MFN1: variants seen among roughly 807,000 people sequenced by gnomAD.
MFN1 encodes the protein mitofusin-1.
Under a neutral mutation model 92.4 loss-of-function variants are expected in MFN1, and 65 were observed. The ratio of observed to expected loss-of-function variants is 0.70; its 90% CI spans 0.58 to 0.86. The LOEUF is 0.86. Ranked by LOEUF, MFN1 falls within the 40% of genes least tolerant of loss-of-function variation. The probability of loss-of-function intolerance (pLI) is 0.00; values close to 1 mark genes in which losing one functional copy is unlikely to be tolerated. For missense variants in MFN1, 781 were observed against 868.0 expected (o/e 0.90, Z 1.26); for synonymous variants, 297 against 300.9 (o/e 0.99, Z 0.13).
chr3:179,394,805 A>AAAG lies in MFN1; in HGVS notation c.*2747_*2749dup, dbSNP rs1216641357. The stretch of plus-strand genomic sequence containing the variant: ...TATGTAATTATGAGTGATGTACTTC[A>AAAG]AAGTTATTGCACATACACTTGTTTA... On this transcript the variant is annotated 3_prime_UTR_variant, in exon 18 of 18. Coordinates refer to ENST00000471841, the MANE Select transcript of MFN1 (RefSeq NM_033540.3). 6.6e-6 allele frequency: 1 copy of AAAG among 152,230 alleles called. No homozygotes were observed. Among genetic ancestry groups the AAAG allele is most frequent in the African/African-American group, 2.4e-5 (1 of 41,468 alleles). The allele number at this position is 152,230 out of a possible 1,614,324, so 9.4% of individuals were successfully genotyped here. A position where few individuals can be genotyped will look rare whatever the true frequency, so the allele number is the denominator to read the frequency against.
intron 16 of MFN1, among the ~76,000 whole-genome samples, chr3:179,389,209 A>G (rs933445320): frequency 6.6e-6 from 1 of 152,214 alleles, no homozygotes; most frequent in Admixed American, 6.5e-5. Flanking sequence ...TTTAATTTAT[A>G]TTAAGGATGA....
At chr3:179,360,498 G>A (rs1712532332) in intron 4 of MFN1, among the ~76,000 whole-genome samples, 4 of 151,634 alleles carry the variant, frequency 2.6e-5, no homozygotes, top group Non-Finnish European at 5.9e-5. Flanking sequence ...GAGGGCCAAT[G>A]GCAATTCCCT....
chr3:179,373,908 C>T (rs1056013207), intron 9 of MFN1, among the ~76,000 whole-genome samples: 3 of 151,918 alleles, frequency 2.0e-5, no homozygotes, highest in Non-Finnish European at 2.9e-5. Context: ...CTCCTGACCT[C>T]GTGATCTGCC....
rs767662582 is a variant in MFN1, at chr3:179,365,178, A to G, written c.706A>G (p.Asn236Asp). 1.3e-6 allele frequency: 2 copies of G among 1,555,104 alleles called. No individual in the cohort carries two copies. The highest frequency in any genetic ancestry group is 1.4e-5 in the African/African-American group (1 of 70,822). ...TTCCAAGCCTAATATTTTCATTCTC[A>G]ATAATCGTTGGGATGCCTCTGCATC... ...RLSKPNIFIL[N>D]NRWDASASEP... The change falls in exon 7 of 18, where the codon AAT (asparagine) becomes GAT (aspartate). Residue 236 changes from asparagine (N) to aspartate (D), a missense_variant. Physicochemically the swap from Asn to Asp is conservative, Grantham distance 23. Coordinates refer to ENST00000471841, the MANE Select transcript of MFN1 (RefSeq NM_033540.3).
chr3:179,353,617 A>G (rs544019203), intron 3 of MFN1, among the ~76,000 whole-genome samples: 5 of 152,310 alleles, frequency 3.3e-5, no homozygotes, highest in Non-Finnish European at 5.9e-5. Context: ...TTTCAACTCC[A>G]TCATTCCTAG....
At chr3:179,385,755 G>A (rs754845905) in intron 15 of MFN1, 34 bp downstream of exon 15, 8 of 1,598,786 alleles carry the variant, frequency 5.0e-6, no homozygotes, top group South Asian at 3.4e-5. Context: ...AATTAAAATC[G>A]AAATGTTTGC....
intron 16 of MFN1, among the ~76,000 whole-genome samples, chr3:179,389,621 T>C (rs1324652343): frequency 6.6e-6 from 1 of 152,162 alleles, no homozygotes; most frequent in African/African-American, 2.4e-5. Context: ...TCTAGAAATA[T>C]TGTTAAATTT....
At chr3:179,361,470 C>T (rs190770755) in intron 4 of MFN1, among the ~76,000 whole-genome samples, 8 of 152,192 alleles carry the variant, frequency 5.3e-5, no homozygotes, top group African/African-American at 1.4e-4. Flanking sequence ...ACCTTTACCC[C>T]TGTAGTAGCT....
intron 14 of MFN1, among the ~76,000 whole-genome samples, chr3:179,380,534 C>G (rs1243150506): frequency 6.6e-6 from 1 of 152,186 alleles, no homozygotes. Context: ...CTTGTGTGCA[C>G]TTGCAGGGAA....
chr3:179,363,678 G>A (rs1367540711), intron 5 of MFN1, among the ~76,000 whole-genome samples: 1 of 151,870 alleles, frequency 6.6e-6, no homozygotes, highest in Non-Finnish European at 1.5e-5. Flanking sequence ...TGTGTATGTG[G>A]AGTCAGGGTT....
intron 14 of MFN1, among the ~76,000 whole-genome samples, chr3:179,383,836 G>C (rs1260219871): frequency 6.6e-6 from 1 of 152,166 alleles, no homozygotes; most frequent in African/African-American, 2.4e-5. Flanking sequence ...CGAAATAAAA[G>C]AGAATACAAG....
intron 10 of MFN1, among the ~76,000 whole-genome samples, chr3:179,376,069 G>A (rs1204823778): frequency 1.3e-5 from 2 of 152,206 alleles, no homozygotes; most frequent in Non-Finnish European, 2.9e-5. Flanking sequence ...CAAAGCTTAA[G>A]TCCAAGATGA....
chr3:179,349,491 A>G (rs776972353), intron 2 of MFN1, among the ~76,000 whole-genome samples: 4 of 151,536 alleles, frequency 2.6e-5, no homozygotes, highest in African/African-American at 4.9e-5. Context: ...GAGGAATGTC[A>G]TGTCTTACTA....
intron 9 of MFN1, among the ~76,000 whole-genome samples, chr3:179,371,369 C>T (rs1237480007): frequency 6.6e-6 from 1 of 151,696 alleles, no homozygotes; most frequent in African/African-American, 2.4e-5. Flanking sequence ...AAAAAAAATC[C>T]AGATATGATA....
At chr3:179,359,482 G>A (rs1235780799) in intron 4 of MFN1, among the ~76,000 whole-genome samples, 6 of 139,060 alleles carry the variant, frequency 4.3e-5, no homozygotes, top group African/African-American at 1.4e-4. Flanking sequence ...GTACAGTGGC[G>A]TGATCTTGGC....
At chr3:179,374,324 CATATATATGTAATATATATATAACATAT>C (rs1560196593) in intron 9 of MFN1, among the ~76,000 whole-genome samples, 1 of 51,442 alleles carries the variant, frequency 1.9e-5, no homozygotes, top group Non-Finnish European at 3.0e-5. Flanking sequence ...ACATATATAA[CATATATATGTAATATATATATAACATAT>C]ATAACATATA....
At chr3:179,381,503 G>A (rs1355139266) in intron 14 of MFN1, among the ~76,000 whole-genome samples, 2 of 152,168 alleles carry the variant, frequency 1.3e-5, no homozygotes, top group Admixed American at 1.3e-4. Flanking sequence ...TGCTTAGTTT[G>A]AATACGTTAT....
At chr3:179,374,012 A>G (rs1560196463) in intron 9 of MFN1, among the ~76,000 whole-genome samples, 1 of 151,530 alleles carries the variant, frequency 6.6e-6, no homozygotes, top group African/African-American at 2.4e-5. Context: ...TAGTAAATAT[A>G]TATTTATAGG....
chr3:179,386,671 G>A, intron 16 of MFN1, 42 bp downstream of exon 16: 1 of 1,536,522 alleles, frequency 6.5e-7, no homozygotes, highest in East Asian at 2.3e-5. Context: ...AAAAGTTACT[G>A]AAATATGACA....
Sources: allele counts gnomAD v4.1 joint callset (sites outside exome capture counted in the v4.1 genomes callset), GRCh38; gene constraint gnomAD v4.1.1; transcripts MANE v1.5; gene names NCBI Gene and HGNC (gene_info 2026-07-23, HGNC 2026-07-21).